The following RSU1 variants were observed in gnomAD, a reference collection of about 807,000 sequenced individuals.
RSU1 encodes the protein rsu-1.
Under a neutral mutation model 31.1 loss-of-function variants are expected in RSU1, and 26 were observed. That is an observed-to-expected ratio of 0.84 (90% CI 0.61 to 1.16). The LOEUF (loss-of-function observed/expected upper bound fraction) is 1.16, where lower values mean the gene tolerates loss of function less well. Among genes scored for constraint, RSU1 ranks in the 50% most tolerant of loss-of-function variants. The pLI, the probability that RSU1 is intolerant of heterozygous loss-of-function variation, is 0.00. For missense variants in RSU1, 320 were observed against 339.1 expected (o/e 0.94, Z 0.44); for synonymous variants, 164 against 136.3 (o/e 1.20, Z -1.41).
At chr10:16,661,746 C>T (rs2131527673) in intron 8 of RSU1, among the ~76,000 whole-genome samples, 1 of 152,326 alleles carries the variant, frequency 6.6e-6, no homozygotes, top group Admixed American at 6.5e-5. Flanking sequence ...CCAACTGCAA[C>T]CAAACCCCAG....
At chr10:16,753,931 A>C (rs760208800) in intron 5 of RSU1, among the ~76,000 whole-genome samples, 1 of 151,998 alleles carries the variant, frequency 6.6e-6, no homozygotes, top group Non-Finnish European at 1.5e-5. Flanking sequence ...CTACTTTTTA[A>C]ATTTTTATTT....
rs1370343304 is a variant in RSU1, at chr10:16,646,333, G to C, written c.731+48690C>G. Among the ~76,000 whole-genome samples the C allele has an allele frequency of 3.9e-5, 6 of 152,168 alleles. No individual in the cohort carries two copies. In the South Asian group the frequency reaches 1.2e-3, roughly 32 times the overall value. On this transcript the variant is annotated intron_variant, in intron 8 of 8. Coordinates refer to ENST00000345264, the MANE Select transcript of RSU1 (RefSeq NM_012425.4). ...AAACATCTTAACTGTCAAGAATCAA[G>C]ACTCAAAACAGCCCCTGCTCACTAT... is the stretch of plus-strand genomic sequence containing the variant.
chr10:16,666,409 C>T (rs189556718), intron 8 of RSU1, among the ~76,000 whole-genome samples: 3 of 152,202 alleles, frequency 2.0e-5, no homozygotes, highest in African/African-American at 7.2e-5. Flanking sequence ...CACAACTGCA[C>T]TCTCAAATAA....
chr10:16,760,517 G>GA (rs71374701), intron 4 of RSU1, among the ~76,000 whole-genome samples: 23,768 of 100,074 alleles, frequency 0.24, 1,998 homozygotes, highest in Middle Eastern at 0.3. Flanking sequence ...CTCAAAAAAA[G>GA]AAAAAAAAAA....
chr10:16,751,390 A>C lies in RSU1; in HGVS notation c.598+1149T>G, dbSNP rs1836977197. 2.6e-5 allele frequency among the ~76,000 whole-genome samples: 4 copies of C among 152,122 alleles called. No individual in the cohort carries two copies. In the South Asian group the frequency reaches 8.3e-4, roughly 32 times the overall value. On this transcript the variant is annotated intron_variant, in intron 7 of 8. Coordinates refer to ENST00000345264, the MANE Select transcript of RSU1 (RefSeq NM_012425.4). ...GGGAAATGGCAAGAGAGGAGGCGGG[A>C]CTTCCCAGCTGGTCCACGAAATCAC... is the stretch of plus-strand genomic sequence containing the variant.
intron 8 of RSU1, among the ~76,000 whole-genome samples, chr10:16,671,872 C>T (rs1835111532): frequency 6.6e-6 from 1 of 151,054 alleles, no homozygotes; most frequent in South Asian, 2.1e-4. Flanking sequence ...GTGATCGACC[C>T]CCCTCGGCCT....
intron 4 of RSU1, among the ~76,000 whole-genome samples, chr10:16,763,390 G>A (rs1251684901): frequency 6.6e-6 from 1 of 152,176 alleles, no homozygotes; most frequent in Non-Finnish European, 1.5e-5. Context: ...GCAGGAGTAT[G>A]CTTATTACAT....
rs1833498600 is a variant in RSU1, at chr10:16,591,140, G to C, written c.*2254C>G. ...TTGCCCAGGCTGGTCTCAAACTCCTGAGCTCAGGCAATCTTCCCACCTTGG... is the reference window on the plus strand; with the variant it reads ...TTGCCCAGGCTGGTCTCAAACTCCTCAGCTCAGGCAATCTTCCCACCTTGG... On this transcript the variant is annotated 3_prime_UTR_variant, in exon 9 of 9. Transcript: ENST00000345264. 6.6e-6 allele frequency: 1 copy of C among 152,202 alleles called. No homozygotes were observed. The highest frequency in any genetic ancestry group is 2.1e-4 in the South Asian group (1 of 4,832). 9.4% of individuals were successfully genotyped at this position (152,202 alleles called of 1,614,324 possible). A position where few individuals can be genotyped will look rare whatever the true frequency, so the allele number is the denominator to read the frequency against.
At chr10:16,680,142 A>G (rs912467547) in intron 8 of RSU1, among the ~76,000 whole-genome samples, 2 of 152,054 alleles carry the variant, frequency 1.3e-5, no homozygotes, top group African/African-American at 4.8e-5. Flanking sequence ...CTCGCCTCCC[A>G]AAGTGCTGGG....
At chr10:16,717,950 A>C (rs1454865348) in intron 7 of RSU1, among the ~76,000 whole-genome samples, 1 of 152,200 alleles carries the variant, frequency 6.6e-6, no homozygotes, top group East Asian at 1.9e-4. Context: ...TGGAAAGCCA[A>C]CTGTCTTGGG....
At chr10:16,766,582 G>A (rs1202957425) in intron 3 of RSU1, among the ~76,000 whole-genome samples, 1 of 152,182 alleles carries the variant, frequency 6.6e-6, no homozygotes, top group Non-Finnish European at 1.5e-5. Context: ...GGGCATGGTG[G>A]CAGACGCCTG....
In RSU1 at chr10:16,591,464, C is replaced by A. The variant is rs978167815; in HGVS notation, c.*1930G>T. ...GCCACCTATCGTCAAACTGCTACGGCCTTTCTGGAGCGAAATTTATATTCC... is the reference window on the plus strand; with the variant it reads ...GCCACCTATCGTCAAACTGCTACGGACTTTCTGGAGCGAAATTTATATTCC... On this transcript the variant is annotated 3_prime_UTR_variant, in exon 9 of 9. Coordinates refer to ENST00000345264, the MANE Select transcript of RSU1 (RefSeq NM_012425.4). 2.0e-5 allele frequency: 3 copies of A among 152,114 alleles called. No homozygotes were observed. The highest frequency in any genetic ancestry group is 2.4e-5 in the African/African-American group (1 of 41,414). 9.4% of individuals were successfully genotyped at this position (152,114 alleles called of 1,614,324 possible).
chr10:16,628,681 G>A (rs113760036), intron 8 of RSU1, among the ~76,000 whole-genome samples: 1,688 of 152,234 alleles, frequency 0.011, 30 homozygotes, highest in African/African-American at 0.037. Context: ...CTTTGTAGTT[G>A]TTTTATAAGA....
rs1365216466 is a variant in RSU1 at position 16,645,893 on chromosome 10, TGTATATAC to T, written c.731+49122_731+49129del. Reference sequence around the variant, plus strand: ...ATACATATATGTGTATATACATATATGTATATACACATATATGTATATATATGTGTATA... The same window carrying T: ...ATACATATATGTGTATATACATATATACATATATGTATATATATGTGTATA... On this transcript the variant is annotated intron_variant, in intron 8 of 8. Transcript: ENST00000345264. Among the ~76,000 whole-genome samples, 287 of 66,422 alleles carry T rather than the reference TGTATATAC, an allele frequency of 4.3e-3. 53 individuals are homozygous for T. The highest frequency in any genetic ancestry group is 7.9e-3 in the East Asian group (21 of 2,644). The allele number at this position is 66,422 out of a possible 152,430, so 43.6% of individuals were successfully genotyped here.
chr10:16,757,746 G>C (rs775807067), intron 4 of RSU1, among the ~76,000 whole-genome samples: 22 of 152,214 alleles, frequency 1.4e-4, no homozygotes, highest in Non-Finnish European at 2.8e-4. Context: ...AGACCCTTGG[G>C]CTCTGATACA....
intron 2 of RSU1, among the ~76,000 whole-genome samples, chr10:16,789,713 C>T (rs1357612883): frequency 6.6e-6 from 1 of 152,220 alleles, no homozygotes; most frequent in Non-Finnish European, 1.5e-5. Flanking sequence ...CGTAATCACA[C>T]CTGGTAGATT....
intron 3 of RSU1, among the ~76,000 whole-genome samples, chr10:16,767,734 A>T (rs1460531520): frequency 6.6e-6 from 1 of 152,224 alleles, no homozygotes. Flanking sequence ...CATACTTTGC[A>T]CACACAGCAT....
intron 8 of RSU1, among the ~76,000 whole-genome samples, chr10:16,609,645 A>G (rs1210150386): frequency 6.6e-6 from 1 of 152,244 alleles, no homozygotes; most frequent in Non-Finnish European, 1.5e-5. Context: ...TCAAATGTCA[A>G]CCAACCATGT....
chr10:16,714,811 T>G (rs901450318), intron 7 of RSU1, among the ~76,000 whole-genome samples: 1 of 152,076 alleles, frequency 6.6e-6, no homozygotes, highest in African/African-American at 2.4e-5. Context: ...AGGTTCAAGA[T>G]GGGACAGAGT....
Sources: gnomAD v4.1 joint callset for allele counts (sites outside exome capture counted in the v4.1 genomes callset) on GRCh38, gnomAD v4.1.1 for gene constraint, MANE v1.5 for transcripts, NCBI Gene and HGNC (gene_info 2026-07-23, HGNC 2026-07-21) for gene names.